TNC: variants seen among roughly 807,000 people sequenced by gnomAD.
TNC encodes the protein tenascin C, also known as tenascin.
In TNC, 109 loss-of-function variants were observed where a neutral mutation model predicts 202.4. That is an observed-to-expected ratio of 0.54 (90% CI 0.46 to 0.63). The LOEUF (loss-of-function observed/expected upper bound fraction) is 0.63, where lower values mean the gene tolerates loss of function less well. TNC is among the 30% of genes least tolerant of loss of function. TNC has a pLI of 0.00. For missense variants in TNC, 2,756 were observed against 2,833.3 expected, an observed-to-expected ratio of 0.97 and a Z score of 0.62; for synonymous variants, 1,007 against 1,089.7, an observed-to-expected ratio of 0.92 and a Z score of 1.50.
Position 115,089,730 on chromosome 9 carries a change from C to T in TNC, c.457+832G>A, listed in dbSNP as rs895999311. On this transcript the variant is annotated intron_variant, in intron 2 of 27. Transcript: ENST00000350763. ...GGCCAGGCTGGTCTTGAACTCCTAA[C>T]TTCAGGTGATCCGCCCGCCTTAGCC... is the stretch of plus-strand genomic sequence containing the variant. Among the ~76,000 whole-genome samples the T allele has an allele frequency of 2.0e-5, 3 of 152,304 alleles. No homozygotes were observed. The East Asian group carries it at 5.8e-4, about 29-fold the overall frequency.
intron 2 of TNC, among the ~76,000 whole-genome samples, chr9:115,090,051 ACAGG>A (rs1196130316): frequency 6.6e-6 from 1 of 152,208 alleles, no homozygotes; most frequent in Non-Finnish European, 1.5e-5. Flanking sequence ...CAGCACTATC[ACAGG>A]CAGCACTGTG....
rs1831216530 is a variant in TNC, at chr9:115,046,616, C to G, written c.4919G>C (p.Trp1640Ser). The G allele has an allele frequency of 1.2e-6, 2 of 1,613,876 alleles. No homozygotes were observed. The highest frequency in any genetic ancestry group is 1.7e-6 in the Non-Finnish European group (2 of 1,180,008). ...GTCGAAGACCCCTTCATCAGCTGTCCAGGACAGACGGAAACCGTCTGGGGT... is the reference window on the plus strand; with the variant it reads ...GTCGAAGACCCCTTCATCAGCTGTCGAGGACAGACGGAAACCGTCTGGGGT... The part of the protein sequence containing the change: ...DATPDGFRLS[W>S]TADEGVFDNF... The change falls in exon 17 of 28, where the codon TGG becomes TCG. Residue 1640 changes from tryptophan to serine, a missense_variant. Trp to Ser is a radical substitution (Grantham distance 177). Coordinates refer to ENST00000350763, the MANE Select transcript of TNC (RefSeq NM_002160.4).
intron 12 of TNC, 131 bp from the exon 13 acceptor site, chr9:115,063,320 AGCAGGTGTTGAGC>A: frequency 2.1e-6 from 2 of 966,682 alleles, no homozygotes; most frequent in South Asian, 1.7e-5. Context: ...CATGATTTAC[AGCAGGTGTTGAGC>A]ACACTCAAAC....
At chr9:115,037,968 T>C (rs1830456426) in intron 20 of TNC, among the ~76,000 whole-genome samples, 1 of 152,264 alleles carries the variant, frequency 6.6e-6, no homozygotes, top group Non-Finnish European at 1.5e-5. Flanking sequence ...AGATGACAAC[T>C]GTTTCCTAAA....
At chr9:115,048,580 C>CT in intron 15 of TNC, 48 bp from the exon 16 acceptor site, 1 of 1,562,436 alleles carries the variant, frequency 6.4e-7, no homozygotes, top group Non-Finnish European at 8.6e-7. Context: ...AGCACTGACT[C>CT]TGTCAGGATA....
chr9:115,053,122 T>C, intron 15 of TNC: 1 of 631,176 alleles, frequency 1.6e-6, no homozygotes, highest in South Asian at 1.8e-5. Flanking sequence ...TATCTCCAAA[T>C]ACATACAGAA....
At chr9:115,068,321 C>G (rs572598852) in intron 10 of TNC, among the ~76,000 whole-genome samples, 70 of 152,324 alleles carry the variant, frequency 4.6e-4, no homozygotes, top group African/African-American at 1.6e-3. Context: ...CATTGCTGTG[C>G]TCCTGGTGGG....
intron 17 of TNC, among the ~76,000 whole-genome samples, chr9:115,045,507 C>T (rs1025061235): frequency 1.1e-4 from 17 of 151,102 alleles, no homozygotes; most frequent in East Asian, 9.7e-4. Context: ...GCTGGTACTA[C>T]GGGCATGAGG....
intron 17 of TNC, 85 bp downstream of exon 17, chr9:115,046,325 A>G: frequency 6.7e-7 from 1 of 1,494,656 alleles, no homozygotes. Flanking sequence ...GCCTGCATCC[A>G]AAGCTCCTGT....
Position 115,057,315 on chromosome 9 carries a change from T to G in TNC, c.4417A>C (p.Ile1473Leu), listed in dbSNP as rs781250220. ...GIFETFTIEI[I>L]DSNRLLETVE... is the part of the protein sequence containing the mutation. ...GTCTCCAGCAACCTATTGGAATCAA[T>G]AATTTCAATGGTAAAGGTCTCGAAG... Residue 1473 changes from isoleucine (I) to leucine (L), a missense_variant, in exon 15 of 28, where the codon ATT becomes CTT. Ile to Leu is a conservative substitution (Grantham distance 5, BLOSUM62 2). Transcript: ENST00000350763. 5.6e-6 allele frequency: 9 copies of G among 1,614,146 alleles called. No individual in the cohort carries two copies. Among genetic ancestry groups the G allele is most frequent in the Non-Finnish European group, 7.6e-6 (9 of 1,180,028 alleles).
chr9:115,103,918 A>G (rs1459731386), intron 1 of TNC, among the ~76,000 whole-genome samples: 2 of 152,214 alleles, frequency 1.3e-5, no homozygotes. Flanking sequence ...AATGAGATTC[A>G]TATTTGTGGT....
intron 10 of TNC, 134 bp downstream of exon 10, chr9:115,073,469 G>T: frequency 9.5e-7 from 1 of 1,054,562 alleles, no homozygotes; most frequent in Non-Finnish European, 1.4e-6. Flanking sequence ...TCAAAGTGGT[G>T]TTCAGGGGCT....
At chr9:115,098,923 C>A (rs1206013776) in intron 1 of TNC, among the ~76,000 whole-genome samples, 2 of 141,662 alleles carry the variant, frequency 1.4e-5, no homozygotes, top group Admixed American at 7.5e-5. Context: ...AGCCAGGAAA[C>A]AGCCTTAAGT....
chr9:115,041,070 C>T lies in TNC; in HGVS notation c.5263G>A (p.Val1755Ile), dbSNP rs1405276420. ...VPITGGTPSM[V>I]TVDGTKTQTR... is the part of the protein sequence containing the mutation. Reference sequence around the variant, plus strand: ...TGAGTCTTGGTTCCGTCCACAGTTACCATGGAGGGTGTACCTGGAACACAG... The same window carrying T: ...TGAGTCTTGGTTCCGTCCACAGTTATCATGGAGGGTGTACCTGGAACACAG... The change falls in exon 19 of 28, where the codon GTA becomes ATA. Residue 1755 changes from valine (V) to isoleucine (I), a missense_variant. This residue lies in a region of TNC where 2,559 missense variants were observed against 2,546.0 expected (regional missense o/e 1.01). Transcript: ENST00000350763. The T allele has an allele frequency of 6.2e-7, 1 of 1,613,522 alleles. No individual in the cohort carries two copies. The highest frequency in any genetic ancestry group is 2.2e-5 in the East Asian group (1 of 44,870).
intron 1 of TNC, among the ~76,000 whole-genome samples, chr9:115,106,742 T>TA (rs1367706551): frequency 2.0e-5 from 3 of 152,150 alleles, no homozygotes; most frequent in African/African-American, 4.8e-5. Context: ...ATGTACTATC[T>TA]AAAAAACGTG....
intron 1 of TNC, among the ~76,000 whole-genome samples, chr9:115,112,409 G>C (rs1837146755): frequency 6.6e-6 from 1 of 152,180 alleles, no homozygotes; most frequent in Non-Finnish European, 1.5e-5. Flanking sequence ...GTACAAAATA[G>C]ATAAGTGGAG....
intron 1 of TNC, among the ~76,000 whole-genome samples, chr9:115,109,486 T>C (rs373351185): frequency 2.6e-5 from 4 of 152,348 alleles, no homozygotes; most frequent in African/African-American, 4.8e-5. Flanking sequence ...TTTCTTCTTG[T>C]GGGCTGTGAG....
At position 115,069,757 on chromosome 9, in the gene TNC, TCCCTCCCTCCCTCCCTC is replaced by T. The variant is rs1564467679; in HGVS notation, c.3214+3829_3214+3845del. ...CTTCCTCCCTCCCTCCCTCCCTCCC[TCCCTCCCTCCCTCCCTC>T]CCTTCCTTCCTTCCTTCCTTCCTTC... On this transcript the variant is annotated intron_variant, in intron 10 of 27. Coordinates refer to ENST00000350763, the MANE Select transcript of TNC (RefSeq NM_002160.4). 5.6e-3 allele frequency among the ~76,000 whole-genome samples: 117 copies of T among 20,712 alleles called. 19 individuals are homozygous for T. The highest frequency in any genetic ancestry group is 0.015 in the African/African-American group (73 of 4,830). The allele number at this position is 20,712 out of a possible 152,430, so 13.6% of individuals were successfully genotyped here.
intron 10 of TNC, among the ~76,000 whole-genome samples, chr9:115,067,758 T>C (rs1833063427): frequency 6.6e-6 from 1 of 152,160 alleles, no homozygotes. Context: ...TTTTTTTACA[T>C]AATGTCATGT....
Sources: gnomAD v4.1 joint callset for allele counts (sites outside exome capture counted in the v4.1 genomes callset) on GRCh38, gnomAD v4.1.1 for gene constraint, gnomAD v4.1.1 regional missense constraint, MANE v1.5 for transcripts, NCBI Gene and HGNC (gene_info 2026-07-23, HGNC 2026-07-21) for gene names.